The following CNTN5 variants were observed in gnomAD, a reference collection of about 807,000 sequenced individuals.
CNTN5 encodes contactin-5.
In CNTN5, 77 loss-of-function variants were observed where a neutral mutation model predicts 129.1. That is an observed-to-expected ratio of 0.60 (90% CI 0.50 to 0.72). The LOEUF (loss-of-function observed/expected upper bound fraction) is 0.72. Among genes scored for constraint, CNTN5 ranks in the 30% least tolerant of loss-of-function variants. The pLI is 0.00. For synonymous variants in CNTN5, 509 were observed against 465.6 expected, an observed-to-expected ratio of 1.09 and a Z score of -1.20; for missense variants, 1,478 against 1,328.8, an observed-to-expected ratio of 1.11 and a Z score of -1.75.
At chr11:100,179,194 T>G (rs1036556933) in intron 13 of CNTN5, among the ~76,000 whole-genome samples, 6 of 152,126 alleles carry the variant, frequency 3.9e-5, no homozygotes, top group African/African-American at 1.4e-4. Context: ...TTGTACCCAT[T>G]AACTATCGTC....
chr11:99,211,984 G>C (rs1859820002), intron 1 of CNTN5, among the ~76,000 whole-genome samples: 1 of 152,002 alleles, frequency 6.6e-6, no homozygotes, highest in African/African-American at 2.4e-5. Flanking sequence ...ACAAAAAAAT[G>C]CTTTTTGGAA....
intron 4 of CNTN5, among the ~76,000 whole-genome samples, chr11:99,841,598 A>AAGAAGCAGC (rs763991356): frequency 2.6e-5 from 4 of 151,672 alleles, no homozygotes; most frequent in South Asian, 2.1e-4. Context: ...GGAGGAGGAA[A>AAGAAGCAGC]AGAAGCAGCA....
At chr11:99,953,022 C>T (rs1029709244) in intron 7 of CNTN5, among the ~76,000 whole-genome samples, 4 of 152,162 alleles carry the variant, frequency 2.6e-5, no homozygotes, top group Admixed American at 1.3e-4. Flanking sequence ...TGTGTACACA[C>T]ACTATTAGAA....
intron 3 of CNTN5, among the ~76,000 whole-genome samples, chr11:99,610,070 C>T (rs1591357242): frequency 6.6e-6 from 1 of 152,054 alleles, no homozygotes; most frequent in East Asian, 1.9e-4. Context: ...TTGTTCAATG[C>T]CACAAAGACG....
At chr11:100,284,682 G>A (rs966278367) in intron 18 of CNTN5, among the ~76,000 whole-genome samples, 1 of 152,116 alleles carries the variant, frequency 6.6e-6, no homozygotes, top group Non-Finnish European at 1.5e-5. Flanking sequence ...AAATGAAAGG[G>A]AGAAAAGATA....
At chr11:99,103,794 A>G (rs1367780639) in intron 1 of CNTN5, among the ~76,000 whole-genome samples, 3 of 152,124 alleles carry the variant, frequency 2.0e-5, no homozygotes, top group African/African-American at 7.2e-5. Flanking sequence ...AGATAGAGAA[A>G]GAGACACATA....
chr11:100,331,511 C>T (rs930350724), intron 21 of CNTN5, among the ~76,000 whole-genome samples: 4 of 152,054 alleles, frequency 2.6e-5, no homozygotes, highest in Non-Finnish European at 4.4e-5. Context: ...GAGCATTCTA[C>T]CCAACAACTC....
chr11:99,152,737 T>C (rs528583095), intron 1 of CNTN5, among the ~76,000 whole-genome samples: 14 of 152,358 alleles, frequency 9.2e-5, no homozygotes, highest in African/African-American at 3.4e-4. Context: ...TGCTTTATAA[T>C]GTCAATGGTC....
At chr11:99,741,600 C>T (rs1943889697) in intron 3 of CNTN5, among the ~76,000 whole-genome samples, 1 of 152,118 alleles carries the variant, frequency 6.6e-6, no homozygotes, top group Admixed American at 6.6e-5. Flanking sequence ...TAGTCACTTA[C>T]TTAACTGTTC....
rs201201223 is a variant in CNTN5, at chr11:99,819,711, A to G, written c.223A>G (p.Asn75Asp). Residue 75 changes from asparagine to aspartate, a missense_variant, in exon 4 of 25, where the codon AAT becomes GAT. Physicochemically the swap from Asn to Asp is conservative, Grantham distance 23. Coordinates refer to ENST00000524871, the MANE Select transcript of CNTN5 (RefSeq NM_014361.4). ...SSPSWLGAAQ[N>D]YYSPINLYHS... ...ACCCAGCTGGCTAGGGGCAGCTCAGAATTATTATTCCCCCATCAATCTTTA... is the reference window on the plus strand; with the variant it reads ...ACCCAGCTGGCTAGGGGCAGCTCAGGATTATTATTCCCCCATCAATCTTTA... 4.3e-6 allele frequency: 7 copies of G among 1,612,090 alleles called. No homozygotes were observed. Among genetic ancestry groups the G allele is most frequent in the African/African-American group, 1.3e-5 (1 of 74,958 alleles).
At chr11:99,917,465 A>T (rs1949823032) in intron 7 of CNTN5, among the ~76,000 whole-genome samples, 1 of 152,164 alleles carries the variant, frequency 6.6e-6, no homozygotes, top group African/African-American at 2.4e-5. Context: ...CATATTGGTT[A>T]TTAAACAGAT....
At chr11:100,272,595 C>T (rs1950426423) in intron 18 of CNTN5, among the ~76,000 whole-genome samples, 1 of 152,058 alleles carries the variant, frequency 6.6e-6, no homozygotes, top group Non-Finnish European at 1.5e-5. Flanking sequence ...ACAGCTCCTA[C>T]TGAGGGACCC....
chr11:99,233,729 C>T (rs989885754), intron 1 of CNTN5, among the ~76,000 whole-genome samples: 3 of 152,092 alleles, frequency 2.0e-5, no homozygotes, highest in Non-Finnish European at 2.9e-5. Flanking sequence ...GGGTGGATCA[C>T]GAGGTCAGGA....
At chr11:99,847,524 T>TAC in intron 6 of CNTN5, among the ~76,000 whole-genome samples, 1 of 152,202 alleles carries the variant, frequency 6.6e-6, no homozygotes, top group African/African-American at 2.4e-5. Context: ...CAAACTCAGG[T>TAC]CATTGGCTAC....
intron 3 of CNTN5, among the ~76,000 whole-genome samples, chr11:99,764,033 G>A (rs1378853096): frequency 6.6e-6 from 1 of 151,852 alleles, no homozygotes; most frequent in Non-Finnish European, 1.5e-5. Flanking sequence ...TGATACAGTA[G>A]TATACTGGAA....
chr11:100,143,575 C>A (rs1946762629), intron 13 of CNTN5, among the ~76,000 whole-genome samples: 1 of 151,990 alleles, frequency 6.6e-6, no homozygotes, highest in South Asian at 2.1e-4. Flanking sequence ...GCAGCTGGAC[C>A]AGTTCCGGGA....
chr11:99,142,351 G>A (rs958908005), intron 1 of CNTN5, among the ~76,000 whole-genome samples: 2 of 152,028 alleles, frequency 1.3e-5, no homozygotes, highest in Non-Finnish European at 1.5e-5. Context: ...AAAACTGTCG[G>A]TGCAGGCTGC....
chr11:100,329,092 G>A (rs1429086149), intron 21 of CNTN5, among the ~76,000 whole-genome samples: 1 of 152,176 alleles, frequency 6.6e-6, no homozygotes, highest in Non-Finnish European at 1.5e-5. Context: ...GGGGCGTGGT[G>A]GGAGTGAGAC....
intron 3 of CNTN5, among the ~76,000 whole-genome samples, chr11:99,623,703 C>T (rs1951031100): frequency 8.6e-6 from 1 of 116,338 alleles, no homozygotes; most frequent in African/African-American, 3.0e-5. Context: ...TACCAACAAA[C>T]AGTAGTGGAG....
Sources: allele counts gnomAD v4.1 joint callset (sites outside exome capture counted in the v4.1 genomes callset), GRCh38; gene constraint gnomAD v4.1.1; transcripts MANE v1.5; gene names NCBI Gene and HGNC (gene_info 2026-07-23, HGNC 2026-07-21).